The following NCALD variants were observed in gnomAD, a reference collection of about 807,000 sequenced individuals.
NCALD encodes the protein neurocalcin delta.
In NCALD, 10 loss-of-function variants were observed where a neutral mutation model predicts 18.6. The ratio of observed to expected loss-of-function variants is 0.54; its 90% CI spans 0.33 to 0.91. NCALD has a LOEUF of 0.91. NCALD is among the 40% of genes least tolerant of loss of function. The pLI is 0.03. For synonymous variants in NCALD, 88 were observed against 87.4 expected (o/e 1.01, Z -0.04); for missense variants, 184 against 247.6 (o/e 0.74, Z 1.72).
chr8:101,752,893 T>C (rs1479470647), intron 1 of NCALD, among the ~76,000 whole-genome samples: 2 of 151,928 alleles, frequency 1.3e-5, no homozygotes, highest in Admixed American at 6.5e-5. Context: ...GTAACAATTT[T>C]AAAAGTCACC....
chr8:101,813,604 G>C (rs981584600), intron 4 of NCALD, among the ~76,000 whole-genome samples: 1 of 152,042 alleles, frequency 6.6e-6, no homozygotes. Flanking sequence ...ACTCATTATA[G>C]AGTGAACATA....
chr8:101,713,350 C>A (rs550634463), intron 2 of NCALD, among the ~76,000 whole-genome samples: 1 of 152,016 alleles, frequency 6.6e-6, no homozygotes, highest in African/African-American at 2.4e-5. Flanking sequence ...GACACCCTAA[C>A]ATCACAATTA....
intron 1 of NCALD, among the ~76,000 whole-genome samples, chr8:101,733,003 G>C: frequency 6.6e-6 from 1 of 152,008 alleles, no homozygotes; most frequent in Non-Finnish European, 1.5e-5. Context: ...GGGGTGTAGA[G>C]AAGCTAACTG....
At chr8:101,959,164 A>C (rs952810070) in intron 2 of NCALD, among the ~76,000 whole-genome samples, 2 of 152,196 alleles carry the variant, frequency 1.3e-5, no homozygotes, top group Non-Finnish European at 2.9e-5. Context: ...TTCAATCTGC[A>C]ACAGATTCTT....
At chr8:101,842,062 G>A (rs565367651) in intron 4 of NCALD, among the ~76,000 whole-genome samples, 1 of 152,168 alleles carries the variant, frequency 6.6e-6, no homozygotes, top group South Asian at 2.1e-4. Context: ...TGTCAACAGG[G>A]TTGGTTTTAT....
At chr8:102,054,290 C>T (rs953082602) in intron 1 of NCALD, among the ~76,000 whole-genome samples, 1 of 152,098 alleles carries the variant, frequency 6.6e-6, no homozygotes, top group Admixed American at 6.5e-5. Context: ...GAACGCCAGT[C>T]TAGATGTCAC....
At chr8:101,821,551 A>G (rs1238083326) in intron 4 of NCALD, among the ~76,000 whole-genome samples, 1 of 152,200 alleles carries the variant, frequency 6.6e-6, no homozygotes, top group Non-Finnish European at 1.5e-5. Flanking sequence ...CAACACCCAC[A>G]GTTAAATAGC....
chr8:101,719,965 T>A (rs2130448709), intron 1 of NCALD, among the ~76,000 whole-genome samples: 1 of 152,284 alleles, frequency 6.6e-6, no homozygotes, highest in Non-Finnish European at 1.5e-5. Context: ...GAGGGAGAAT[T>A]AATTGCTTAG....
In NCALD at chr8:101,781,419, C is replaced by T. The variant is rs544146342; in HGVS notation, c.-20+9443G>A. ...ACCAAGGGTTCCCTCACCATTCCCTCCTGAATAGCTGGGAGGTGACAAGGA... is the reference window on the plus strand; with the variant it reads ...ACCAAGGGTTCCCTCACCATTCCCTTCTGAATAGCTGGGAGGTGACAAGGA... On this transcript the variant is annotated intron_variant, in intron 1 of 3. Transcript: ENST00000220931. 1.3e-3 allele frequency among the ~76,000 whole-genome samples: 202 copies of T among 152,282 alleles called. 4 individuals are homozygous for T. Among genetic ancestry groups the T allele is most frequent in the Non-Finnish European group, 2.9e-4 (20 of 68,014 alleles).
At chr8:101,798,448 A>G (rs1318612259) in intron 4 of NCALD, among the ~76,000 whole-genome samples, 1 of 152,230 alleles carries the variant, frequency 6.6e-6, no homozygotes, top group African/African-American at 2.4e-5. Context: ...TAAATCTAAC[A>G]AAACAGGTAC....
At chr8:101,800,933 G>A (rs1301296083) in intron 4 of NCALD, among the ~76,000 whole-genome samples, 2 of 87,418 alleles carry the variant, frequency 2.3e-5, no homozygotes, top group African/African-American at 9.0e-5. Context: ...GAGAAGGGGA[G>A]GGGAGAGGAA....
intron 1 of NCALD, among the ~76,000 whole-genome samples, chr8:102,108,316 C>T (rs1049244247): frequency 2.0e-5 from 3 of 152,200 alleles, no homozygotes; most frequent in African/African-American, 7.2e-5. Context: ...TCCTGGTTGA[C>T]CAGTCGAGTA....
chr8:101,851,691 G>A (rs1017548346), intron 4 of NCALD, among the ~76,000 whole-genome samples: 3 of 151,950 alleles, frequency 2.0e-5, no homozygotes, highest in African/African-American at 4.8e-5. Context: ...GCAGCCACTC[G>A]AGACCTCCTG....
intron 2 of NCALD, among the ~76,000 whole-genome samples, chr8:101,985,166 T>A (rs1387039119): frequency 6.6e-6 from 1 of 152,192 alleles, no homozygotes; most frequent in Non-Finnish European, 1.5e-5. Flanking sequence ...CAACAAGCCA[T>A]GGAGGGGTGC....
intron 1 of NCALD, among the ~76,000 whole-genome samples, chr8:101,763,433 G>A (rs368101181): frequency 2.0e-5 from 3 of 152,288 alleles, no homozygotes; most frequent in Non-Finnish European, 2.9e-5. Context: ...GAAGGGTGAC[G>A]TTGGTAACCA....
intron 1 of NCALD, among the ~76,000 whole-genome samples, chr8:101,740,021 C>T (rs1810118031): frequency 6.6e-6 from 1 of 152,176 alleles, no homozygotes; most frequent in African/African-American, 2.4e-5. Context: ...CAAGGCCTAG[C>T]AAGTAACAGT....
chr8:101,757,542 T>C (rs1810938636), intron 1 of NCALD, among the ~76,000 whole-genome samples: 1 of 152,214 alleles, frequency 6.6e-6, no homozygotes, highest in Non-Finnish European at 1.5e-5. Flanking sequence ...GTCATTCTTT[T>C]TATTCCCAGG....
intron 1 of NCALD, among the ~76,000 whole-genome samples, chr8:102,025,042 T>C (rs1822404669): frequency 1.3e-5 from 2 of 152,186 alleles, no homozygotes; most frequent in African/African-American, 4.8e-5. Context: ...GAAAACTTCT[T>C]CCTTGGGCCC....
chr8:102,091,129 A>C (rs964904529), intron 1 of NCALD, among the ~76,000 whole-genome samples: 10 of 152,192 alleles, frequency 6.6e-5, no homozygotes, highest in Non-Finnish European at 1.5e-4. Flanking sequence ...TTGGCTTTAA[A>C]ATAAAAAAAG....
Sources: allele counts gnomAD v4.1 joint callset (sites outside exome capture counted in the v4.1 genomes callset), GRCh38; gene constraint gnomAD v4.1.1; transcripts MANE v1.5; gene names NCBI Gene and HGNC (gene_info 2026-07-23, HGNC 2026-07-21).